The following TBC1D4 variants were observed in gnomAD, a reference collection of about 807,000 sequenced individuals.
TBC1D4 encodes TBC1 domain family member 4, also known as TBC (Tre-2, BUB2, CDC16) domain-containing protein.
TBC1D4 carries 121 observed loss-of-function variants against 142.5 expected under a neutral mutation model. That is an observed-to-expected ratio of 0.85 (90% CI 0.73 to 0.99). The LOEUF (loss-of-function observed/expected upper bound fraction) is 0.99, where lower values mean the gene tolerates loss of function less well. TBC1D4 is among the 50% of genes least tolerant of loss of function. The pLI is 0.00. For synonymous variants in TBC1D4, 630 were observed against 628.2 expected (o/e 1.00, Z -0.04); for missense variants, 1,475 against 1,606.6 (o/e 0.92, Z 1.40).
At position 75,348,952 on chromosome 13, in the gene TBC1D4, AGAGTGTGT is replaced by A. The variant is rs1405042116; in HGVS notation, c.1408+210_1408+217del. On this transcript the variant is annotated intron_variant, in intron 5 of 20. Coordinates refer to ENST00000377636, the MANE Select transcript of TBC1D4 (RefSeq NM_014832.5). The stretch of plus-strand genomic sequence containing the variant: ...GAGGAGAGAGAGTAGAGAGAGAGAG[AGAGTGTGT>A]GTGTGTGTGTGTGTGTGTGTGTGTG... Among the ~76,000 whole-genome samples the A allele has an allele frequency of 1.3e-3, 160 of 120,062 alleles. 1 individual carries two copies. Among genetic ancestry groups the A allele is most frequent in the African/African-American group, 4.9e-3 (146 of 29,840 alleles). The allele number at this position is 120,062 out of a possible 152,430, so 78.8% of individuals were successfully genotyped here.
chr13:75,298,568 T>A (rs1049007590), intron 17 of TBC1D4, among the ~76,000 whole-genome samples: 1 of 152,072 alleles, frequency 6.6e-6, no homozygotes, highest in African/African-American at 2.4e-5. Context: ...CTGGCCAACA[T>A]GGTGAAACCC....
At chr13:75,368,639 G>A (rs142815538) in intron 1 of TBC1D4, among the ~76,000 whole-genome samples, 147 of 152,268 alleles carry the variant, frequency 9.7e-4, no homozygotes, top group African/African-American at 3.2e-3. Context: ...TAAAAGGTAC[G>A]ACTTGTGCCT....
chr13:75,469,227 C>T (rs777211304), intron 1 of TBC1D4, among the ~76,000 whole-genome samples: 91 of 152,134 alleles, frequency 6.0e-4, no homozygotes, highest in Non-Finnish European at 1.2e-3. Flanking sequence ...TTCAAGAAGA[C>T]ACCCGGAGAT....
intron 3 of TBC1D4, among the ~76,000 whole-genome samples, chr13:75,356,920 G>A (rs1212143694): frequency 6.6e-6 from 1 of 152,034 alleles, no homozygotes; most frequent in Non-Finnish European, 1.5e-5. Context: ...CTGGTAAGTA[G>A]ACAACACCTT....
chr13:75,453,660 A>C (rs1887614936), intron 1 of TBC1D4, among the ~76,000 whole-genome samples: 1 of 152,176 alleles, frequency 6.6e-6, no homozygotes. Context: ...TCAGGTGTTC[A>C]AGACTAGCCT....
chr13:75,457,535 T>C (rs956463585), intron 1 of TBC1D4, among the ~76,000 whole-genome samples: 16 of 152,158 alleles, frequency 1.1e-4, no homozygotes, highest in Non-Finnish European at 2.2e-4. Flanking sequence ...AATGGGAGAA[T>C]ACAGTAAACC....
At chr13:75,301,336 A>C (rs1325817749) in intron 16 of TBC1D4, among the ~76,000 whole-genome samples, 3 of 152,180 alleles carry the variant, frequency 2.0e-5, no homozygotes, top group African/African-American at 7.2e-5. Flanking sequence ...AGTTATTTGA[A>C]AATCAGCATT....
chr13:75,471,408 C>T (rs573296424), intron 1 of TBC1D4, among the ~76,000 whole-genome samples: 9 of 152,098 alleles, frequency 5.9e-5, no homozygotes, highest in Non-Finnish European at 1.3e-4. Context: ...TAGAATACAC[C>T]ACCACCTGTT....
chr13:75,324,557 T>C (rs1295797481), intron 10 of TBC1D4, among the ~76,000 whole-genome samples, 156 bp from the exon 11 acceptor site: 9 of 152,150 alleles, frequency 5.9e-5, no homozygotes, highest in Non-Finnish European at 4.4e-5. Context: ...AGAAGAAGCA[T>C]GCAGTTCTCT....
chr13:75,352,392 T>C (rs1359865165), intron 4 of TBC1D4, among the ~76,000 whole-genome samples: 1 of 150,528 alleles, frequency 6.6e-6, no homozygotes, highest in African/African-American at 2.5e-5. Context: ...GGTCTTTTTC[T>C]TTTTTTTTCC....
At chr13:75,359,270 C>T (rs1344079972) in intron 3 of TBC1D4, among the ~76,000 whole-genome samples, 1 of 152,084 alleles carries the variant, frequency 6.6e-6, no homozygotes, top group Non-Finnish European at 1.5e-5. Context: ...CATTTAAATA[C>T]ACAGTTTGTG....
At chr13:75,438,964 T>G (rs1282649274) in intron 1 of TBC1D4, among the ~76,000 whole-genome samples, 1 of 152,216 alleles carries the variant, frequency 6.6e-6, no homozygotes, top group South Asian at 2.1e-4. Context: ...GCTACATTAT[T>G]TTAGTGCCAA....
chr13:75,452,986 A>C (rs938435485), intron 1 of TBC1D4, among the ~76,000 whole-genome samples: 1 of 152,150 alleles, frequency 6.6e-6, no homozygotes. Flanking sequence ...TACATTTATA[A>C]AAATGTTGGC....
chr13:75,385,578 T>A (rs1884119199), intron 1 of TBC1D4, among the ~76,000 whole-genome samples: 1 of 152,226 alleles, frequency 6.6e-6, no homozygotes, highest in Non-Finnish European at 1.5e-5. Context: ...ATGAACAATT[T>A]GAACGTGAGT....
intron 13 of TBC1D4, among the ~76,000 whole-genome samples, chr13:75,310,486 G>A (rs1877639458): frequency 6.6e-6 from 1 of 152,078 alleles, no homozygotes; most frequent in African/African-American, 2.4e-5. Flanking sequence ...CTGGCTGTGA[G>A]GAACGAGATT....
At chr13:75,349,532 C>T (rs561003883) in intron 4 of TBC1D4, among the ~76,000 whole-genome samples, 1 of 152,264 alleles carries the variant, frequency 6.6e-6, no homozygotes, top group East Asian at 1.9e-4. Context: ...TATAATACCG[C>T]TCTGTTAATT....
intron 1 of TBC1D4, among the ~76,000 whole-genome samples, chr13:75,456,482 C>A (rs755143957): frequency 5.0e-4 from 76 of 150,694 alleles, no homozygotes; most frequent in Non-Finnish European, 1.1e-3. Flanking sequence ...TTTTAATGGG[C>A]AAAAGATCTG....
At chr13:75,330,494 T>A (rs1234856185) in intron 8 of TBC1D4, among the ~76,000 whole-genome samples, 2 of 152,242 alleles carry the variant, frequency 1.3e-5, no homozygotes, top group Admixed American at 6.5e-5. Context: ...CACTTAATCC[T>A]CATACCAGTT....
intron 1 of TBC1D4, among the ~76,000 whole-genome samples, chr13:75,390,424 T>C (rs549457539): frequency 8.1e-4 from 123 of 152,100 alleles, no homozygotes; most frequent in Non-Finnish European, 1.3e-3. Flanking sequence ...TGGAATCACC[T>C]AAAAATAGGG....
Sources: allele counts gnomAD v4.1 joint callset (sites outside exome capture counted in the v4.1 genomes callset), GRCh38; gene constraint gnomAD v4.1.1; transcripts MANE v1.5; gene names NCBI Gene and HGNC (gene_info 2026-07-23, HGNC 2026-07-21).